PBX1: variants seen among roughly 807,000 people sequenced by gnomAD.
The protein encoded by PBX1 is PBX homeobox 1.
A neutral mutation model predicts 53.4 loss-of-function variants in PBX1; 6 were observed. The observed-to-expected ratio is 0.11, with a 90% confidence interval of 0.06 to 0.22. The LOEUF (loss-of-function observed/expected upper bound fraction) is 0.22, where lower values mean the gene tolerates loss of function less well. PBX1 is among the 10% of genes least tolerant of loss of function. The probability of loss-of-function intolerance (pLI) is 1.00; values close to 1 mark genes in which losing one functional copy is unlikely to be tolerated. For missense variants in PBX1, 251 were observed against 551.4 expected, an observed-to-expected ratio of 0.46 and a Z score of 5.46; for synonymous variants, 204 against 212.3, an observed-to-expected ratio of 0.96 and a Z score of 0.34.
intron 2 of PBX1, among the ~76,000 whole-genome samples, chr1:164,592,288 A>C (rs797011935): frequency 2.6e-5 from 4 of 152,328 alleles, no homozygotes; most frequent in African/African-American, 9.6e-5. Context: ...GTCCTAGGAA[A>C]GGAAATAGAA....
chr1:164,689,984 A>G (rs1336155798), intron 2 of PBX1, among the ~76,000 whole-genome samples: 1 of 152,122 alleles, frequency 6.6e-6, no homozygotes, highest in Non-Finnish European at 1.5e-5. Context: ...AACTGCCTTG[A>G]TTACTTCTAC....
At chr1:164,736,785 G>A (rs1022882245) in intron 2 of PBX1, among the ~76,000 whole-genome samples, 1 of 152,080 alleles carries the variant, frequency 6.6e-6, no homozygotes, top group Non-Finnish European at 1.5e-5. Context: ...AAAATCAGAG[G>A]GAGAATCAAG....
At chr1:164,583,280 C>T (rs1654740389) in intron 2 of PBX1, among the ~76,000 whole-genome samples, 1 of 135,644 alleles carries the variant, frequency 7.4e-6, no homozygotes, top group African/African-American at 2.6e-5. Context: ...CCAAGAGAGG[C>T]GGGAAAAAAA....
intron 4 of PBX1, among the ~76,000 whole-genome samples, chr1:164,802,160 G>T (rs1210298159): frequency 6.6e-6 from 1 of 152,232 alleles, no homozygotes; most frequent in Non-Finnish European, 1.5e-5. Context: ...CTACTTTGTT[G>T]TGGAACACTC....
intron 8 of PBX1, among the ~76,000 whole-genome samples, chr1:164,839,160 G>A (rs375362426): frequency 1.1e-4 from 16 of 152,176 alleles, no homozygotes; most frequent in African/African-American, 2.9e-4. Context: ...CTGATTTTCC[G>A]TAAGCCCAAG....
At chr1:164,739,690 G>C (rs1351689265) in intron 2 of PBX1, among the ~76,000 whole-genome samples, 1 of 151,740 alleles carries the variant, frequency 6.6e-6, no homozygotes, top group African/African-American at 2.4e-5. Context: ...AAGCAGCACA[G>C]TGCCGTCTCT....
chr1:164,726,892 T>C (rs1664726981), intron 2 of PBX1, among the ~76,000 whole-genome samples: 1 of 152,166 alleles, frequency 6.6e-6, no homozygotes, highest in African/African-American at 2.4e-5. Flanking sequence ...GGAGGCAGAA[T>C]TGGGGCTCAG....
chr1:164,841,191 G>A (rs913653002), intron 8 of PBX1, among the ~76,000 whole-genome samples: 1 of 152,182 alleles, frequency 6.6e-6, no homozygotes, highest in Admixed American at 6.5e-5. Context: ...ATGGCCAGGG[G>A]ACAGATGGAT....
chr1:164,728,191 C>T (rs1413407170), intron 2 of PBX1, among the ~76,000 whole-genome samples: 2 of 151,932 alleles, frequency 1.3e-5, no homozygotes, highest in African/African-American at 4.8e-5. Context: ...GTGATATGTG[C>T]CTGTAGTTCC....
intron 2 of PBX1, among the ~76,000 whole-genome samples, chr1:164,600,332 A>C (rs1434522280): frequency 1.3e-5 from 2 of 148,538 alleles, no homozygotes; most frequent in Non-Finnish European, 1.5e-5. Flanking sequence ...GCTCACCGCA[A>C]CCTCCACCTC....
At chr1:164,708,502 T>TA (rs1300088600) in intron 2 of PBX1, among the ~76,000 whole-genome samples, 1 of 152,186 alleles carries the variant, frequency 6.6e-6, no homozygotes, top group Non-Finnish European at 1.5e-5. Flanking sequence ...CTCACCCAAA[T>TA]AATGAACACA....
downstream of PBX1, among the ~76,000 whole-genome samples, chr1:164,855,342 C>T (rs1671955778): frequency 6.6e-6 from 1 of 152,224 alleles, no homozygotes; most frequent in African/African-American, 2.4e-5. Context: ...AGTACACCCT[C>T]ACTCCATTGC....
chr1:164,623,759 G>A (rs1440302162), intron 2 of PBX1, among the ~76,000 whole-genome samples: 3 of 152,118 alleles, frequency 2.0e-5, no homozygotes, highest in East Asian at 1.9e-4. Flanking sequence ...TCATTACCAC[G>A]TTAACAAACT....
intron 2 of PBX1, among the ~76,000 whole-genome samples, chr1:164,595,178 C>G (rs754669054): frequency 3.3e-5 from 5 of 152,210 alleles, no homozygotes; most frequent in Non-Finnish European, 5.9e-5. Flanking sequence ...TTTCCTTACT[C>G]TACAAGAAAT....
intron 2 of PBX1, among the ~76,000 whole-genome samples, chr1:164,568,535 C>A (rs939053559): frequency 2.0e-5 from 3 of 152,108 alleles, no homozygotes; most frequent in Non-Finnish European, 2.9e-5. Flanking sequence ...TTAAGGAATG[C>A]AATAATTGAT....
rs189019083 is a variant in PBX1 at position 164,851,420 on chromosome 1, G to A, written c.*4744G>A. 6 of 200,632 alleles carry A rather than the reference G, an allele frequency of 3.0e-5. No homozygotes were observed. Among genetic ancestry groups the A allele is most frequent in the African/African-American group, 1.4e-4 (6 of 43,582 alleles). The allele number at this position is 200,632 out of a possible 1,614,324, so 12.4% of individuals were successfully genotyped here. Reference sequence around the variant, plus strand: ...ATGAGCTTTTCACATCACCTTTATGGTTTCAATCCCTAGCTCAAAGCTTCC... The same window carrying A: ...ATGAGCTTTTCACATCACCTTTATGATTTCAATCCCTAGCTCAAAGCTTCC... On this transcript the variant is annotated 3_prime_UTR_variant, in exon 9 of 9. Coordinates refer to ENST00000420696, the MANE Select transcript of PBX1 (RefSeq NM_002585.4).
chr1:164,646,577 G>A (rs983892997), intron 2 of PBX1, among the ~76,000 whole-genome samples: 2 of 152,078 alleles, frequency 1.3e-5, no homozygotes, highest in Non-Finnish European at 2.9e-5. Context: ...CCTTGTTTCT[G>A]AATGCAAAAA....
chr1:164,817,504 C>T (rs1169648620), intron 6 of PBX1: 1 of 152,208 alleles, frequency 6.6e-6, no homozygotes, highest in Non-Finnish European at 1.5e-5. Flanking sequence ...TAATATTGTA[C>T]ATGGGTGTAC....
At chr1:164,771,962 G>A (rs946393823) in intron 2 of PBX1, among the ~76,000 whole-genome samples, 4 of 152,190 alleles carry the variant, frequency 2.6e-5, no homozygotes, top group Non-Finnish European at 5.9e-5. Context: ...CGAGATCTTT[G>A]TAAGGGAAGA....
Sources: allele counts gnomAD v4.1 joint callset (sites outside exome capture counted in the v4.1 genomes callset), GRCh38; gene constraint gnomAD v4.1.1; transcripts MANE v1.5; gene names NCBI Gene and HGNC (gene_info 2026-07-23, HGNC 2026-07-21).